XKR4: variants seen among roughly 807,000 people sequenced by gnomAD.
XKR4 encodes XK related 4.
In XKR4, 12 loss-of-function variants were observed where a neutral mutation model predicts 53.9. The observed-to-expected ratio is 0.22, with a 90% confidence interval of 0.14 to 0.36. XKR4 has a LOEUF of 0.36. Among genes scored for constraint, XKR4 ranks in the 10% least tolerant of loss-of-function variants. The pLI, the probability that XKR4 is intolerant of heterozygous loss-of-function variation, is 1.00. For missense variants in XKR4, 799 were observed against 859.5 expected (o/e 0.93, Z 0.88); for synonymous variants, 354 against 362.4 (o/e 0.98, Z 0.26).
chr8:55,460,589 T>C (rs1255206207), intron 2 of XKR4, among the ~76,000 whole-genome samples: 2 of 152,162 alleles, frequency 1.3e-5, no homozygotes, highest in Non-Finnish European at 1.5e-5. Context: ...CATTTCCAAC[T>C]GAGGTATCGG....
chr8:55,329,158 T>TGCCCCA (rs1315149728), intron 1 of XKR4, among the ~76,000 whole-genome samples: 1 of 152,182 alleles, frequency 6.6e-6, no homozygotes, highest in Non-Finnish European at 1.5e-5. Flanking sequence ...CCCCTGCCCC[T>TGCCCCA]GCCCCAGGAT....
intron 1 of XKR4, among the ~76,000 whole-genome samples, chr8:55,188,622 T>A (rs1184012938): frequency 6.6e-6 from 1 of 152,202 alleles, no homozygotes; most frequent in Non-Finnish European, 1.5e-5. Flanking sequence ...ACCAAGTAAG[T>A]TGATACCTAT....
At chr8:55,113,382 G>A (rs1369561850) in intron 1 of XKR4, among the ~76,000 whole-genome samples, 1 of 152,160 alleles carries the variant, frequency 6.6e-6, no homozygotes, top group Non-Finnish European at 1.5e-5. Context: ...CACAATCAGA[G>A]AGCAGATTTT....
chr8:55,206,214 A>G (rs1343124380), intron 1 of XKR4, among the ~76,000 whole-genome samples: 3 of 152,036 alleles, frequency 2.0e-5, no homozygotes, highest in Admixed American at 2.0e-4. Flanking sequence ...GCGGGTTGCC[A>G]CTGGGGCTGG....
chr8:55,524,251 C>T lies in XKR4; in HGVS notation c.*24C>T. ...AAAGCAAAAGGAGTTGCAGGACCCACAACATCCAGATGAAGGGGTGACAGC... is the reference window on the plus strand; with the variant it reads ...AAAGCAAAAGGAGTTGCAGGACCCATAACATCCAGATGAAGGGGTGACAGC... On this transcript the variant is annotated 3_prime_UTR_variant, in exon 3 of 3. Coordinates refer to ENST00000327381, the MANE Select transcript of XKR4 (RefSeq NM_052898.2). 2 of 1,591,560 alleles carry T rather than the reference C, an allele frequency of 1.3e-6. No homozygotes were observed. The highest frequency in any genetic ancestry group is 2.3e-5 in the South Asian group (2 of 87,220).
intron 1 of XKR4, among the ~76,000 whole-genome samples, chr8:55,269,534 C>A (rs113869836): frequency 2.0e-5 from 3 of 152,152 alleles, no homozygotes; most frequent in African/African-American, 7.2e-5. Context: ...GGTGTGTGAA[C>A]ACTCCTTTCC....
chr8:55,306,454 C>T (rs575228446), intron 1 of XKR4, among the ~76,000 whole-genome samples: 12 of 152,136 alleles, frequency 7.9e-5, no homozygotes, highest in East Asian at 7.7e-4. Flanking sequence ...GGACAATGTA[C>T]GAAAGAAAGA....
chr8:55,420,448 A>G (rs899772129), intron 2 of XKR4, among the ~76,000 whole-genome samples: 4 of 148,942 alleles, frequency 2.7e-5, no homozygotes, highest in Middle Eastern at 3.4e-3. Flanking sequence ...ATGGAATACT[A>G]TGCAGCCATA....
rs10685965 is a variant in XKR4 at position 55,346,685 on chromosome 8, A to ATGTGTGTGTGTGTGTG, written c.807-10967_807-10952dup. Among the ~76,000 whole-genome samples, 1,185 of 138,442 alleles carry ATGTGTGTGTGTGTGTG rather than the reference A, an allele frequency of 8.6e-3. 22 individuals carry two copies. The highest frequency in any genetic ancestry group is 0.025 in the African/African-American group (921 of 36,520). The allele number at this position is 138,442 out of a possible 152,430, so 90.8% of individuals were successfully genotyped here. A position where few individuals can be genotyped will look rare whatever the true frequency, so the allele number is the denominator to read the frequency against. On this transcript the variant is annotated intron_variant, in intron 1 of 2. Transcript: ENST00000327381. The stretch of plus-strand genomic sequence containing the variant: ...ACAAAAACAGAAACCTGTTGAGGTT[A>ATGTGTGTGTGTGTGTG]TGTGTGTGTGTGTGTGTGTGTGTGT...
intron 1 of XKR4, among the ~76,000 whole-genome samples, chr8:55,330,139 G>A (rs910752797): frequency 2.0e-5 from 3 of 152,224 alleles, no homozygotes; most frequent in South Asian, 4.1e-4. Context: ...GACATTACTG[G>A]TGATTTTTAA....
chr8:55,420,414 A>G (rs1804909829), intron 2 of XKR4, among the ~76,000 whole-genome samples: 1 of 151,626 alleles, frequency 6.6e-6, no homozygotes, highest in African/African-American at 2.4e-5. Context: ...AGAATGGATT[A>G]AGAAAATGTG....
At position 55,303,381 on chromosome 8, in the gene XKR4, C is replaced by A. The variant is rs558347637; in HGVS notation, c.807-54297C>A. Among the ~76,000 whole-genome samples, 851 of 152,216 alleles carry A rather than the reference C, an allele frequency of 5.6e-3. 8 individuals are homozygous for A. Among genetic ancestry groups the A allele is most frequent in the African/African-American group, 0.019 (799 of 41,536 alleles). On this transcript the variant is annotated intron_variant, in intron 1 of 2. Coordinates refer to ENST00000327381, the MANE Select transcript of XKR4 (RefSeq NM_052898.2). ...CATGGTGGATAAGCTTTTTGATGTG[C>A]TGCTGGATTCGGTTTGCCAGTATTT...
At chr8:55,216,003 T>G (rs4737945) in intron 1 of XKR4, among the ~76,000 whole-genome samples, 143,417 of 152,302 alleles carry the variant, frequency 0.94, 67,601 homozygotes, top group Non-Finnish European at 0.95. Flanking sequence ...TACCACTTTA[T>G]TAGAATCTAA....
intron 2 of XKR4, among the ~76,000 whole-genome samples, chr8:55,498,433 G>A (rs12542455): frequency 0.053 from 8,035 of 152,198 alleles, 603 homozygotes; most frequent in East Asian, 0.28. Context: ...GGCACCGAGC[G>A]CATCCTAGCA....
At chr8:55,329,554 A>T (rs758039193) in intron 1 of XKR4, among the ~76,000 whole-genome samples, 28 of 152,158 alleles carry the variant, frequency 1.8e-4, no homozygotes, top group Non-Finnish European at 3.4e-4. Context: ...TAATACACTA[A>T]ATAAAAGGGA....
intron 2 of XKR4, among the ~76,000 whole-genome samples, chr8:55,435,928 G>C (rs1805171474): frequency 6.6e-6 from 1 of 152,170 alleles, no homozygotes. Flanking sequence ...AGGACTGCTA[G>C]TGTTCCATCT....
At chr8:55,365,833 T>C (rs951635086) in intron 2 of XKR4, among the ~76,000 whole-genome samples, 1 of 151,990 alleles carries the variant, frequency 6.6e-6, no homozygotes, top group Non-Finnish European at 1.5e-5. Context: ...GAAGCTCTTA[T>C]CTGTAGGGCT....
At chr8:55,233,398 T>C (rs976124101) in intron 1 of XKR4, among the ~76,000 whole-genome samples, 1 of 152,158 alleles carries the variant, frequency 6.6e-6, no homozygotes, top group African/African-American at 2.4e-5. Flanking sequence ...TTTTTTTTTT[T>C]TAAACCAGGT....
intron 1 of XKR4, among the ~76,000 whole-genome samples, chr8:55,112,865 G>C (rs1211235217): frequency 1.3e-5 from 2 of 152,134 alleles, no homozygotes; most frequent in East Asian, 3.9e-4. Context: ...CCAGAAGACT[G>C]TCCCAAACAG....
Sources: allele counts gnomAD v4.1 joint callset (sites outside exome capture counted in the v4.1 genomes callset), GRCh38; gene constraint gnomAD v4.1.1; transcripts MANE v1.5; gene names NCBI Gene and HGNC (gene_info 2026-07-23, HGNC 2026-07-21).